Variants in OPCML observed in about 807,000 individuals in gnomAD.
OPCML encodes opioid-binding protein/cell adhesion molecule.
A neutral mutation model predicts 37.8 loss-of-function variants in OPCML; 13 were observed. That is an observed-to-expected ratio of 0.34 (90% confidence interval 0.22 to 0.55). The LOEUF (loss-of-function observed/expected upper bound fraction) is 0.55, where lower values mean the gene tolerates loss of function less well. Ranked by LOEUF, OPCML falls within the 20% of genes least tolerant of loss-of-function variation. OPCML has a pLI of 0.91. For missense variants in OPCML, 341 were observed against 435.6 expected, an observed-to-expected ratio of 0.78 and a Z score of 1.93; for synonymous variants, 176 against 168.8, an observed-to-expected ratio of 1.04 and a Z score of -0.33.
chr11:132,730,094 C>T (rs1945026372), intron 2 of OPCML, among the ~76,000 whole-genome samples: 1 of 137,940 alleles, frequency 7.2e-6, no homozygotes, highest in Admixed American at 8.2e-5. Flanking sequence ...GCTCACTGAA[C>T]CCTCCACCTC....
At chr11:133,023,262 T>C (rs963999867) in intron 1 of OPCML, among the ~76,000 whole-genome samples, 1 of 152,188 alleles carries the variant, frequency 6.6e-6, no homozygotes, top group Non-Finnish European at 1.5e-5. Flanking sequence ...TGGCTGTCCA[T>C]TGACTTCCTC....
At chr11:132,906,386 T>C (rs891279977) in intron 2 of OPCML, among the ~76,000 whole-genome samples, 1 of 152,226 alleles carries the variant, frequency 6.6e-6, no homozygotes, top group Non-Finnish European at 1.5e-5. Context: ...CAGTCAGCCC[T>C]GAGGGGCCCT....
intron 1 of OPCML, among the ~76,000 whole-genome samples, chr11:133,227,652 G>A (rs7941884): frequency 0.041 from 6,276 of 152,070 alleles, 446 homozygotes; most frequent in African/African-American, 0.14. Flanking sequence ...AAAAAAGGCC[G>A]TTCCATTCTC....
chr11:133,421,487 T>C (rs1277862408), intron 1 of OPCML: 3 of 985,338 alleles, frequency 3.0e-6, no homozygotes, highest in Non-Finnish European at 2.4e-6. Flanking sequence ...TATGGCTATC[T>C]ACAACACTTT....
intron 1 of OPCML, among the ~76,000 whole-genome samples, chr11:133,235,118 A>C (rs1940452260): frequency 6.6e-6 from 1 of 151,912 alleles, no homozygotes; most frequent in Non-Finnish European, 1.5e-5. Context: ...TTAGCTGGCC[A>C]CCTCAGGGGT....
intron 1 of OPCML, among the ~76,000 whole-genome samples, chr11:133,358,604 G>T (rs1592230692): frequency 6.6e-6 from 1 of 152,174 alleles, no homozygotes; most frequent in Non-Finnish European, 1.5e-5. Flanking sequence ...AGTTGACAGA[G>T]GTACAAGGAT....
At chr11:133,259,777 T>A (rs973198606) in intron 1 of OPCML, among the ~76,000 whole-genome samples, 2 of 152,212 alleles carry the variant, frequency 1.3e-5, no homozygotes, top group Non-Finnish European at 2.9e-5. Context: ...TACAATGAGA[T>A]AAAGAGGACA....
At chr11:132,721,950 C>T (rs1281353046) in intron 2 of OPCML, among the ~76,000 whole-genome samples, 7 of 82,792 alleles carry the variant, frequency 8.5e-5, no homozygotes, top group Non-Finnish European at 1.5e-4. Context: ...CTTTCCTTCC[C>T]TTTTTTTTTT....
At chr11:132,979,228 C>CA (rs1946531603) in intron 1 of OPCML, among the ~76,000 whole-genome samples, 1 of 152,216 alleles carries the variant, frequency 6.6e-6, no homozygotes, top group African/African-American at 2.4e-5. Flanking sequence ...AATAGATTCT[C>CA]ACAACAGCAG....
At chr11:133,088,211 GA>G (rs1948846990) in intron 1 of OPCML, among the ~76,000 whole-genome samples, 1 of 138,984 alleles carries the variant, frequency 7.2e-6, no homozygotes, top group South Asian at 2.5e-4. Flanking sequence ...TTTTACATGG[GA>G]GAACCACGGC....
intron 3 of OPCML, among the ~76,000 whole-genome samples, chr11:132,623,544 G>A (rs1271464724): frequency 2.0e-5 from 3 of 152,112 alleles, no homozygotes; most frequent in Admixed American, 2.0e-4. Context: ...ACTGACAGGT[G>A]GTTACACAGT....
chr11:133,323,259 T>C lies in OPCML; in HGVS notation c.61+209005A>G, dbSNP rs188456152. On this transcript the variant is annotated intron_variant, in intron 1 of 7. Coordinates refer to ENST00000524381, the MANE Select transcript of OPCML (RefSeq NM_001012393.5). ...CAAAACATCAATTATCACCTCCTCA[T>C]CTGAGAAGCAGAAGATTGGATTTCT... Among the ~76,000 whole-genome samples, 550 of 152,258 alleles carry C rather than the reference T, an allele frequency of 3.6e-3. 2 individuals carry two copies. Among genetic ancestry groups the C allele is most frequent in the Non-Finnish European group, 6.3e-3 (427 of 68,022 alleles).
intron 1 of OPCML, among the ~76,000 whole-genome samples, chr11:132,973,266 C>T (rs2136761713): frequency 6.6e-6 from 1 of 152,202 alleles, no homozygotes; most frequent in East Asian, 1.9e-4. Flanking sequence ...GGTATTGTCA[C>T]AAAATATAAT....
chr11:132,619,568 G>A (rs950728186), intron 3 of OPCML, among the ~76,000 whole-genome samples: 1 of 151,782 alleles, frequency 6.6e-6, no homozygotes, highest in East Asian at 1.9e-4. Flanking sequence ...GGCCGGGTGC[G>A]GTGGCTCATG....
At chr11:132,738,456 T>C (rs1356100364) in intron 2 of OPCML, among the ~76,000 whole-genome samples, 1 of 152,204 alleles carries the variant, frequency 6.6e-6, no homozygotes, top group Non-Finnish European at 1.5e-5. Flanking sequence ...CTATTTTATT[T>C]TTCAGTTTGA....
At chr11:132,428,299 A>G (rs11827069) in intron 7 of OPCML, among the ~76,000 whole-genome samples, 40,551 of 152,148 alleles carry the variant, frequency 0.27, 5,753 homozygotes, top group Non-Finnish European at 0.31. Flanking sequence ...TGGTTAGTGA[A>G]AGGTATGAAA....
At chr11:132,626,187 T>C (rs1348134564) in intron 3 of OPCML, among the ~76,000 whole-genome samples, 1 of 150,146 alleles carries the variant, frequency 6.7e-6, no homozygotes, top group African/African-American at 2.5e-5. Flanking sequence ...GAGGAGGAAA[T>C]GGTCACTCCT....
intron 3 of OPCML, among the ~76,000 whole-genome samples, chr11:132,628,842 T>C (rs1013837469): frequency 1.3e-5 from 2 of 152,134 alleles, no homozygotes; most frequent in Non-Finnish European, 2.9e-5. Context: ...AGCTTTTCCG[T>C]CTTTGCTTGG....
chr11:133,230,520 T>C, intron 1 of OPCML, among the ~76,000 whole-genome samples: 1 of 151,666 alleles, frequency 6.6e-6, no homozygotes. Flanking sequence ...AAACAAGAGG[T>C]TTTCTCTCTA....
Sources: gnomAD v4.1 joint callset for allele counts (sites outside exome capture counted in the v4.1 genomes callset) on GRCh38, gnomAD v4.1.1 for gene constraint, MANE v1.5 for transcripts, NCBI Gene and HGNC (gene_info 2026-07-23, HGNC 2026-07-21) for gene names.